The following SELENOT variants were observed in gnomAD, a reference collection of about 807,000 sequenced individuals.
The protein encoded by SELENOT is selenoprotein T.
A neutral mutation model predicts 24.3 loss-of-function variants in SELENOT; 9 were observed. The ratio of observed to expected loss-of-function variants is 0.37; its 90% CI spans 0.22 to 0.65. The LOEUF (loss-of-function observed/expected upper bound fraction) is 0.65, where lower values mean the gene tolerates loss of function less well. Among genes scored for constraint, SELENOT ranks in the 30% least tolerant of loss-of-function variants. SELENOT has a pLI of 0.60. For synonymous variants in SELENOT, 81 were observed against 86.0 expected (o/e 0.94, Z 0.32); for missense variants, 166 against 247.6 (o/e 0.67, Z 2.21).
At chr3:150,608,243 C>T (rs1726013830) in intron 1 of SELENOT, among the ~76,000 whole-genome samples, 1 of 152,114 alleles carries the variant, frequency 6.6e-6, no homozygotes, top group Non-Finnish European at 1.5e-5. Context: ...GGAAAACCCC[C>T]ACAAAGAAAT....
intron 1 of SELENOT, among the ~76,000 whole-genome samples, chr3:150,617,029 A>G (rs763284175): frequency 2.0e-5 from 3 of 152,274 alleles, no homozygotes; most frequent in Non-Finnish European, 2.9e-5. Context: ...GGATAGGTAG[A>G]AAGCAGCATA....
At chr3:150,613,853 G>A (rs1296905342) in intron 1 of SELENOT, among the ~76,000 whole-genome samples, 1 of 151,978 alleles carries the variant, frequency 6.6e-6, no homozygotes, top group East Asian at 1.9e-4. Context: ...TAGCTCTTCT[G>A]CTCTTGAAGA....
At chr3:150,624,578 CTTA>C (rs1019796792) in intron 3 of SELENOT, among the ~76,000 whole-genome samples, 3 of 152,050 alleles carry the variant, frequency 2.0e-5, no homozygotes, top group African/African-American at 7.2e-5. Context: ...TTTTGTTTAA[CTTA>C]TTAAGGCTAT....
At chr3:150,604,789 C>T (rs1725922084) in intron 1 of SELENOT, among the ~76,000 whole-genome samples, 1 of 152,166 alleles carries the variant, frequency 6.6e-6, no homozygotes, top group African/African-American at 2.4e-5. Context: ...GTAATCCCAG[C>T]ACTTTGGAGG....
intron 1 of SELENOT, among the ~76,000 whole-genome samples, chr3:150,617,830 A>G (rs1024301614): frequency 2.2e-5 from 2 of 92,854 alleles, no homozygotes; most frequent in East Asian, 5.8e-4. Flanking sequence ...AGTGTTTGCA[A>G]CTGTTTTTGT....
chr3:150,608,241 C>G (rs1261743008), intron 1 of SELENOT, among the ~76,000 whole-genome samples: 1 of 152,004 alleles, frequency 6.6e-6, no homozygotes, highest in South Asian at 2.1e-4. Flanking sequence ...GGGGAAAACC[C>G]CCACAAAGAA....
chr3:150,606,089 C>T (rs1468218342), intron 1 of SELENOT, among the ~76,000 whole-genome samples: 5 of 150,570 alleles, frequency 3.3e-5, no homozygotes, highest in East Asian at 3.9e-4. Flanking sequence ...AGAGATCAAG[C>T]TTGTAGAGTA....
intron 4 of SELENOT, among the ~76,000 whole-genome samples, chr3:150,626,661 C>T (rs1438492802): frequency 6.6e-6 from 1 of 152,170 alleles, no homozygotes; most frequent in Non-Finnish European, 1.5e-5. Context: ...GTTTTCTACT[C>T]TCATGAATCC....
At chr3:150,625,996 C>T (rs377765663) in intron 4 of SELENOT, among the ~76,000 whole-genome samples, 257 of 151,768 alleles carry the variant, frequency 1.7e-3, no homozygotes, top group African/African-American at 5.2e-3. Context: ...CAGCCTCCTG[C>T]GTAGCTGGGA....
chr3:150,615,798 C>A (rs1342740901), intron 1 of SELENOT, among the ~76,000 whole-genome samples: 2 of 152,044 alleles, frequency 1.3e-5, no homozygotes, highest in Non-Finnish European at 2.9e-5. Flanking sequence ...AGATTCAATG[C>A]CATCCCCATC....
intron 2 of SELENOT, 112 bp from the exon 3 acceptor site, chr3:150,622,903 CAATAAACTTTAATTGCTTTTTCTATAAG>C: frequency 2.9e-6 from 2 of 699,476 alleles, no homozygotes; most frequent in Non-Finnish European, 4.2e-6. Flanking sequence ...TAACACTGCA[CAATAAACTTTAATTGCTTTTTCTATAAG>C]TAACTTTTAG....
intron 4 of SELENOT, 100 bp downstream of exon 4, chr3:150,624,999 T>C (rs971108205): frequency 1.9e-6 from 1 of 537,974 alleles, no homozygotes; most frequent in African/African-American, 2.0e-5. Flanking sequence ...CTTTAGTGTT[T>C]GTATAAAAGT....
In SELENOT at chr3:150,626,988, GC is replaced by G. The variant is rs753378555; in HGVS notation, c.464-21del. 3 of 1,603,282 alleles carry G rather than the reference GC, an allele frequency of 1.9e-6. No homozygotes were observed. In the South Asian group the frequency reaches 3.4e-5, roughly 18 times the overall value. ...AAAATCATCTTTAATTTTTTGGGGG[GC>G]GGTGCCATTTATTTTTATAGATGTA... On this transcript the variant is annotated intron_variant, in intron 4 of 5. Coordinates refer to ENST00000471696, the MANE Select transcript of SELENOT (RefSeq NM_016275.5).
At chr3:150,609,119 T>C (rs1234067920) in intron 1 of SELENOT, among the ~76,000 whole-genome samples, 1 of 152,188 alleles carries the variant, frequency 6.6e-6, no homozygotes, top group African/African-American at 2.4e-5. Flanking sequence ...AGTATGATAT[T>C]GGTTATGGGT....
At chr3:150,604,264 C>T (rs1357480326) in intron 1 of SELENOT, among the ~76,000 whole-genome samples, 2 of 152,152 alleles carry the variant, frequency 1.3e-5, no homozygotes, top group African/African-American at 4.8e-5. Flanking sequence ...CAGTTTTCGA[C>T]AGTGTTCTTT....
intron 1 of SELENOT, among the ~76,000 whole-genome samples, chr3:150,614,048 G>A (rs1386956635): frequency 6.6e-6 from 1 of 152,042 alleles, no homozygotes. Flanking sequence ...TCAAGAGAAG[G>A]TAAGGTGCTA....
chr3:150,627,367 A>G (rs1424038936), intron 5 of SELENOT, among the ~76,000 whole-genome samples: 1 of 152,216 alleles, frequency 6.6e-6, no homozygotes, highest in Non-Finnish European at 1.5e-5. Context: ...TTTATCTTCA[A>G]GGCTTAATGA....
chr3:150,620,223 G>A (rs946452723), intron 1 of SELENOT, among the ~76,000 whole-genome samples: 1 of 152,176 alleles, frequency 6.6e-6, no homozygotes, highest in Non-Finnish European at 1.5e-5. Context: ...TTTCCCTTAA[G>A]GGACTTCTTG....
At chr3:150,626,058 A>G (rs1726435878) in intron 4 of SELENOT, among the ~76,000 whole-genome samples, 1 of 152,012 alleles carries the variant, frequency 6.6e-6, no homozygotes. Context: ...TTTAGTAGAG[A>G]CAGAGTTTCA....
Sources: gnomAD v4.1 joint callset for allele counts (sites outside exome capture counted in the v4.1 genomes callset) on GRCh38, gnomAD v4.1.1 for gene constraint, MANE v1.5 for transcripts, NCBI Gene and HGNC (gene_info 2026-07-23, HGNC 2026-07-21) for gene names.